The following ATRNL1 variants were observed in gnomAD, a reference collection of about 807,000 sequenced individuals.
ATRNL1 encodes the protein attractin-like protein 1.
A neutral mutation model predicts 182.7 loss-of-function variants in ATRNL1; 95 were observed. The observed-to-expected ratio is 0.52, with a 90% CI of 0.44 to 0.62. The LOEUF (loss-of-function observed/expected upper bound fraction) is 0.62. Ranked by LOEUF, ATRNL1 falls within the 20% of genes least tolerant of loss-of-function variation. The pLI, the probability that ATRNL1 is intolerant of heterozygous loss-of-function variation, is 0.00. For missense variants in ATRNL1, 1,471 were observed against 1,679.5 expected (o/e 0.88, Z 2.17); for synonymous variants, 576 against 568.3 (o/e 1.01, Z -0.19).
intron 19 of ATRNL1, among the ~76,000 whole-genome samples, chr10:115,385,281 A>G (rs2134245164): frequency 6.6e-6 from 1 of 152,214 alleles, no homozygotes; most frequent in African/African-American, 2.4e-5. Flanking sequence ...TTGATTTACA[A>G]TTATATTTGT....
Position 115,093,953 on chromosome 10 carries a change from C to T in ATRNL1, c.203C>T (p.Ser68Phe), listed in dbSNP as rs1258948772. 1.9e-6 allele frequency: 3 copies of T among 1,590,018 alleles called. No homozygotes were observed. The highest frequency in any genetic ancestry group is 2.4e-5 in the East Asian group (1 of 42,404). Residue 68 changes from serine (S) to phenylalanine (F), a missense_variant, in exon 1 of 29, where the codon TCC (serine) becomes TTC (phenylalanine). Ser to Phe is a radical substitution (Grantham distance 155). Coordinates refer to ENST00000355044, the MANE Select transcript of ATRNL1 (RefSeq NM_207303.4). The surrounding 1 kb of genome is among the most constrained non-coding windows in gnomAD (Gnocchi z 6.1). Reference protein sequence around the residue: ...SQSKPCERTGSCFSGRCVNST... With the variant: ...SQSKPCERTGFCFSGRCVNST... ...TCCAAGCCGTGCGAGAGGACCGGCTCCTGCTTCTCGGGCCGCTGTGTCAAC... is the reference window on the plus strand; with the variant it reads ...TCCAAGCCGTGCGAGAGGACCGGCTTCTGCTTCTCGGGCCGCTGTGTCAAC...
intron 26 of ATRNL1, among the ~76,000 whole-genome samples, chr10:115,607,753 T>C (rs11197349): frequency 0.011 from 1,651 of 152,064 alleles, 28 homozygotes; most frequent in African/African-American, 0.037. Context: ...TATAGAATAA[T>C]GAAGTTACTG....
At chr10:115,714,991 G>A (rs2134027271) in intron 26 of ATRNL1, among the ~76,000 whole-genome samples, 1 of 152,262 alleles carries the variant, frequency 6.6e-6, no homozygotes, top group East Asian at 1.9e-4. Flanking sequence ...GGTTGGTGAA[G>A]CAGACAAAAC....
chr10:115,361,059 G>C (rs1323625786), intron 19 of ATRNL1, among the ~76,000 whole-genome samples: 1 of 151,854 alleles, frequency 6.6e-6, no homozygotes, highest in Non-Finnish European at 1.5e-5. Flanking sequence ...TCACTGTAAA[G>C]GTGCTATTTT....
chr10:115,488,509 A>G (rs1389616910), intron 24 of ATRNL1, among the ~76,000 whole-genome samples: 3 of 152,186 alleles, frequency 2.0e-5, no homozygotes, highest in Non-Finnish European at 4.4e-5. Context: ...TTATTTGCAT[A>G]GAAGTGTTTA....
intron 26 of ATRNL1, among the ~76,000 whole-genome samples, chr10:115,669,160 CT>C (rs1250186405): frequency 6.6e-6 from 1 of 152,090 alleles, no homozygotes; most frequent in Non-Finnish European, 1.5e-5. Context: ...AAGTGGTCCA[CT>C]ACCCCAAGAC....
intron 18 of ATRNL1, among the ~76,000 whole-genome samples, chr10:115,323,267 G>A (rs960966937): frequency 6.6e-6 from 1 of 151,848 alleles, no homozygotes; most frequent in Non-Finnish European, 1.5e-5. Context: ...CAGATCTTCT[G>A]TTGAATTCTT....
intron 16 of ATRNL1, among the ~76,000 whole-genome samples, chr10:115,300,895 C>T (rs1853436677): frequency 6.6e-6 from 1 of 152,078 alleles, no homozygotes; most frequent in Non-Finnish European, 1.5e-5. Context: ...CTCTCCATTT[C>T]CTCCACCCCA....
intron 27 of ATRNL1, among the ~76,000 whole-genome samples, chr10:115,841,277 C>T (rs1555097056): frequency 6.6e-6 from 1 of 152,020 alleles, no homozygotes; most frequent in African/African-American, 2.4e-5. Context: ...TGTCACAATC[C>T]AGCCTCTTTA....
intron 9 of ATRNL1, among the ~76,000 whole-genome samples, chr10:115,228,509 CT>C (rs1240466961): frequency 1.3e-5 from 2 of 152,074 alleles, no homozygotes; most frequent in Non-Finnish European, 1.5e-5. Flanking sequence ...ATAATGGGAG[CT>C]TATGTCTTCA....
At chr10:115,428,656 A>C (rs1554963402) in intron 21 of ATRNL1, among the ~76,000 whole-genome samples, 1 of 152,040 alleles carries the variant, frequency 6.6e-6, no homozygotes, top group African/African-American at 2.4e-5. Context: ...TTTCTATTTT[A>C]CTTTGTTAAT....
intron 26 of ATRNL1, among the ~76,000 whole-genome samples, chr10:115,717,545 G>GTTTTTTTTTT (rs1555056622): frequency 1.1e-4 from 7 of 65,222 alleles, no homozygotes; most frequent in South Asian, 6.9e-4. Flanking sequence ...TGCCTGAAAT[G>GTTTTTTTTTT]TTCTTTTTTT....
chr10:115,432,813 T>A (rs1846231705), intron 21 of ATRNL1, among the ~76,000 whole-genome samples: 2 of 152,070 alleles, frequency 1.3e-5, no homozygotes, highest in Admixed American at 6.5e-5. Flanking sequence ...CACAAAGTAG[T>A]ATAGTTTTTT....
At chr10:115,927,817 A>G (rs1322310652) in intron 28 of ATRNL1, among the ~76,000 whole-genome samples, 2 of 151,976 alleles carry the variant, frequency 1.3e-5, no homozygotes, top group African/African-American at 4.8e-5. Flanking sequence ...AAAAACCTAA[A>G]TTTTCATGTT....
At chr10:115,446,346 T>A (rs1385925852) in intron 21 of ATRNL1, among the ~76,000 whole-genome samples, 5 of 152,044 alleles carry the variant, frequency 3.3e-5, no homozygotes, top group African/African-American at 4.8e-5. Context: ...ACTTTTTAAA[T>A]TTTGCCATTA....
chr10:115,885,469 G>A (rs898329896), intron 28 of ATRNL1, among the ~76,000 whole-genome samples: 31 of 152,116 alleles, frequency 2.0e-4, no homozygotes, highest in African/African-American at 7.2e-4. Context: ...CTGTCTCTAA[G>A]CTATGAAATC....
intron 24 of ATRNL1, among the ~76,000 whole-genome samples, chr10:115,487,431 T>C (rs782664969): frequency 9.9e-5 from 15 of 152,198 alleles, no homozygotes; most frequent in Non-Finnish European, 1.9e-4. Flanking sequence ...CAGTGGTTTG[T>C]AGTTCTCCTT....
chr10:115,663,055 A>G (rs74158216), intron 26 of ATRNL1, among the ~76,000 whole-genome samples: 1,769 of 152,270 alleles, frequency 0.012, 35 homozygotes, highest in African/African-American at 0.04. Context: ...TGTTATATAA[A>G]TTAAAATTTA....
intron 27 of ATRNL1, among the ~76,000 whole-genome samples, chr10:115,815,220 A>C (rs2134266402): frequency 6.6e-6 from 1 of 152,330 alleles, no homozygotes; most frequent in South Asian, 2.1e-4. Context: ...TCACAAGCTA[A>C]GACCTGGGGC....
Sources: gnomAD v4.1 joint callset for allele counts (sites outside exome capture counted in the v4.1 genomes callset) on GRCh38, gnomAD v4.1.1 for gene constraint, Gnocchi (gnomAD v3.1) non-coding constraint, MANE v1.5 for transcripts, NCBI Gene and HGNC (gene_info 2026-07-23, HGNC 2026-07-21) for gene names.